OR14I1: variants seen among roughly 807,000 people sequenced by gnomAD.
The protein encoded by OR14I1 is olfactory receptor 14I1.
For missense variants in OR14I1, 279 were observed against 181.8 expected (o/e 1.53, Z -3.07); for synonymous variants, 118 against 71.1 (o/e 1.66, Z -3.32).
chr1:248,701,817 T>G, the OR14I1 span, among the ~76,000 whole-genome samples: 4 of 152,048 alleles, frequency 2.6e-5, no homozygotes, highest in Non-Finnish European at 5.9e-5. Context: ...CACTGACAGG[T>G]CTCAAAGACC....
the OR14I1 span, among the ~76,000 whole-genome samples, chr1:248,690,057 T>C: frequency 6.6e-6 from 1 of 152,090 alleles, no homozygotes; most frequent in Admixed American, 6.5e-5. Flanking sequence ...ACACCAGAAT[T>C]TCCGGGACAC....
At chr1:248,699,058 G>A in the OR14I1 span, 1 of 152,162 alleles carries the variant, frequency 6.6e-6, no homozygotes, top group Admixed American at 6.5e-5. Context: ...ATGGAGCTCT[G>A]GCAAGAGCCT....
At chr1:248,685,811 G>C (rs1409898273), upstream of OR14I1, among the ~76,000 whole-genome samples, 1 of 150,594 alleles carries the variant, frequency 6.6e-6, no homozygotes, top group Non-Finnish European at 1.5e-5. Flanking sequence ...TGTACATATA[G>C]TGTGTATATA....
At chr1:248,699,453 C>CT in the OR14I1 span, among the ~76,000 whole-genome samples, 1 of 152,132 alleles carries the variant, frequency 6.6e-6, no homozygotes, top group African/African-American at 2.4e-5. Flanking sequence ...GAGACCTTTA[C>CT]TATATGGCAG....
upstream of OR14I1, among the ~76,000 whole-genome samples, chr1:248,682,790 T>G (rs528379058): frequency 6.6e-6 from 1 of 152,356 alleles, no homozygotes; most frequent in South Asian, 2.1e-4. Context: ...TTTAGCTATT[T>G]GTTGAATAAA....
At chr1:248,695,126 T>C in the OR14I1 span, among the ~76,000 whole-genome samples, 1 of 152,040 alleles carries the variant, frequency 6.6e-6, no homozygotes, top group African/African-American at 2.4e-5. Context: ...AATTGGAAGG[T>C]CTCTCTAACG....
rs1377824517 is a variant in OR14I1 at position 248,682,109 on chromosome 1, C to A, written c.196G>T (p.Val66Phe). 1.8e-5 allele frequency: 14 copies of A among 780,854 alleles called. No homozygotes were observed. In the Admixed American group the frequency reaches 2.4e-4, roughly 13 times the overall value. 48.4% of individuals were successfully genotyped at this position (780,854 alleles called of 1,614,324 possible). A position where few individuals can be genotyped will look rare whatever the true frequency, so the allele number is the denominator to read the frequency against. Residue 66 changes from valine to phenylalanine, a missense_variant, in exon 1 of 1, where the codon GTT (valine) becomes TTT (phenylalanine). Transcript: ENST00000342623. ...ACTGAGATGTAGCACAGATCCAAAA[C>A]GGAGAGGTTCTTCAGGAAGAAGTAC...
At chr1:248,698,900 G>A in the OR14I1 span, 2 of 152,206 alleles carry the variant, frequency 1.3e-5, no homozygotes, top group East Asian at 1.9e-4. Context: ...ATGCACACAA[G>A]CAGACCTATG....
upstream of OR14I1, among the ~76,000 whole-genome samples, chr1:248,683,976 G>A (rs572780033): frequency 1.3e-5 from 2 of 152,266 alleles, no homozygotes; most frequent in East Asian, 1.9e-4. Context: ...AGGTGGCAGT[G>A]AGCCAAGATC....
chr1:248,700,215 C>T, the OR14I1 span, among the ~76,000 whole-genome samples: 3 of 152,228 alleles, frequency 2.0e-5, no homozygotes, highest in Non-Finnish European at 2.9e-5. Context: ...GCTCCCCAAC[C>T]AGGGTGACTT....
chr1:248,693,769 C>G, the OR14I1 span, among the ~76,000 whole-genome samples: 1 of 144,730 alleles, frequency 6.9e-6, no homozygotes, highest in Admixed American at 6.8e-5. Context: ...TTTTCTCAAT[C>G]AAAGCTCATT....
chr1:248,685,443 G>C (rs1048974183), upstream of OR14I1, among the ~76,000 whole-genome samples: 5 of 152,084 alleles, frequency 3.3e-5, no homozygotes, highest in South Asian at 2.1e-4. Context: ...AAGGCAAAAG[G>C]TTACCCACCC....
the OR14I1 span, among the ~76,000 whole-genome samples, chr1:248,690,994 CAT>C: frequency 6.6e-6 from 1 of 152,178 alleles, no homozygotes; most frequent in African/African-American, 2.4e-5. Context: ...ACAAAAACCA[CAT>C]GATTATCTCA....
chr1:248,701,395 C>A, the OR14I1 span, among the ~76,000 whole-genome samples: 1 of 152,146 alleles, frequency 6.6e-6, no homozygotes, highest in Non-Finnish European at 1.5e-5. Flanking sequence ...CTCAAGTGAT[C>A]CATCCACCTC....
At chr1:248,678,793 A>G (rs1484392407), downstream of OR14I1, among the ~76,000 whole-genome samples, 1 of 152,186 alleles carries the variant, frequency 6.6e-6, no homozygotes, top group African/African-American at 2.4e-5. Context: ...GCATAAATAC[A>G]CAAAGGCCAA....
upstream of OR14I1, among the ~76,000 whole-genome samples, chr1:248,685,727 T>C (rs1661640042): frequency 6.7e-6 from 1 of 150,244 alleles, no homozygotes; most frequent in African/African-American, 2.4e-5. Flanking sequence ...GTATAGTATA[T>C]ATATACATAT....
At chr1:248,686,675 A>T (rs1221665234), upstream of OR14I1, among the ~76,000 whole-genome samples, 1 of 140,322 alleles carries the variant, frequency 7.1e-6, no homozygotes, top group African/African-American at 2.6e-5. Context: ...TTCTCATAAA[A>T]AATTTGAAAT....
chr1:248,681,360 C>A (rs753027468), exon 1 of OR14I1: 1 of 714,460 alleles, frequency 1.4e-6, no homozygotes, highest in Non-Finnish European at 2.6e-6. Flanking sequence ...TAGTAAAGAC[C>A]AGGATGTTCT....
At chr1:248,682,308 G>T (rs1199427330) in exon 1 of OR14I1, 19 of 727,944 alleles carry the variant, frequency 2.6e-5, no homozygotes, top group Non-Finnish European at 3.8e-5. Flanking sequence ...TGTCCATTTG[G>T]CAGGGAAATC....
Sources: gnomAD v4.1 joint callset for allele counts (sites outside exome capture counted in the v4.1 genomes callset) on GRCh38, gnomAD v4.1.1 for gene constraint, MANE v1.5 for transcripts, NCBI Gene and HGNC (gene_info 2026-07-23, HGNC 2026-07-21) for gene names.